Variants in NPNT observed in about 807,000 individuals in gnomAD.
NPNT encodes the protein preosteoblast EGF-like repeat protein with MAM domain.
In NPNT, 45 loss-of-function variants were observed where a neutral mutation model predicts 68.6. The ratio of observed to expected loss-of-function variants is 0.66; its 90% confidence interval spans 0.52 to 0.84. NPNT has a LOEUF of 0.84. Among genes scored for constraint, NPNT ranks in the 40% least tolerant of loss-of-function variants. NPNT has a pLI of 0.00. For missense variants in NPNT, 672 were observed against 714.8 expected, an observed-to-expected ratio of 0.94 and a Z score of 0.68; for synonymous variants, 233 against 253.3, an observed-to-expected ratio of 0.92 and a Z score of 0.76.
intron 8 of NPNT, among the ~76,000 whole-genome samples, chr4:105,950,578 C>T (rs528817026): frequency 2.0e-5 from 3 of 152,252 alleles, no homozygotes; most frequent in East Asian, 1.9e-4. Context: ...GCTGGGATTA[C>T]AGGCGTGCAC....
intron 1 of NPNT, 193 bp downstream of exon 1, chr4:105,895,916 C>A (rs1725791281): frequency 3.5e-6 from 2 of 579,458 alleles, no homozygotes; most frequent in Non-Finnish European, 6.1e-6. Flanking sequence ...GGAGAGGGCG[C>A]GCCCTTGCGA....
chr4:105,948,867 G>A (rs533373947), intron 8 of NPNT, among the ~76,000 whole-genome samples: 1 of 152,132 alleles, frequency 6.6e-6, no homozygotes, highest in African/African-American at 2.4e-5. Flanking sequence ...CCAAGTGCTG[G>A]GATTCTAGGC....
At chr4:105,940,018 C>T in intron 5 of NPNT, 57 bp from the exon 6 acceptor site, 3 of 1,483,508 alleles carry the variant, frequency 2.0e-6, no homozygotes, top group South Asian at 2.3e-5. Context: ...TTTTGAAACC[C>T]ACTCTGTCTT....
intron 8 of NPNT, among the ~76,000 whole-genome samples, chr4:105,957,215 C>G (rs1560539301): frequency 6.6e-6 from 1 of 152,118 alleles, no homozygotes; most frequent in African/African-American, 2.4e-5. Context: ...ATGATGTCTT[C>G]CTTCCTAACT....
chr4:105,954,502 A>G, intron 8 of NPNT, among the ~76,000 whole-genome samples: 1 of 152,176 alleles, frequency 6.6e-6, no homozygotes, highest in East Asian at 1.9e-4. Flanking sequence ...TTCAGCATGC[A>G]AACCTGATCT....
chr4:105,925,513 G>A (rs893777038), intron 2 of NPNT, among the ~76,000 whole-genome samples: 1 of 152,044 alleles, frequency 6.6e-6, no homozygotes, highest in African/African-American at 2.4e-5. Context: ...CATCAGTTTC[G>A]CAGGAGTATT....
chr4:105,920,265 T>A (rs1484413633), intron 2 of NPNT, among the ~76,000 whole-genome samples: 2 of 151,812 alleles, frequency 1.3e-5, no homozygotes, highest in Non-Finnish European at 2.9e-5. Context: ...ACAGAAAACT[T>A]ATTCTAGCCT....
At chr4:105,941,629 G>A (rs553972004) in intron 7 of NPNT, among the ~76,000 whole-genome samples, 1 of 152,216 alleles carries the variant, frequency 6.6e-6, no homozygotes, top group Admixed American at 6.5e-5. Flanking sequence ...GTATCATTCA[G>A]GCAGATTAAA....
intron 2 of NPNT, chr4:105,911,722 G>A (rs912831766): frequency 1.2e-5 from 2 of 172,486 alleles, no homozygotes; most frequent in African/African-American, 4.8e-5. Context: ...CATACAGTAT[G>A]TAAGAAACAG....
chr4:105,898,089 A>G (rs1726027269), intron 2 of NPNT, 88 bp downstream of exon 2: 5 of 871,996 alleles, frequency 5.7e-6, no homozygotes, highest in Non-Finnish European at 7.2e-6. Context: ...CAGAGGGTTC[A>G]TTACTGAGCA....
At chr4:105,911,999 T>C in intron 2 of NPNT, 1 of 551,666 alleles carries the variant, frequency 1.8e-6, no homozygotes, top group Non-Finnish European at 3.2e-6. Flanking sequence ...GAAATGTTTT[T>C]TTATAACAAA....
chr4:105,938,024 G>A (rs186682915), intron 4 of NPNT, among the ~76,000 whole-genome samples: 171 of 152,214 alleles, frequency 1.1e-3, no homozygotes, highest in African/African-American at 3.7e-3. Context: ...TAAGAATAGC[G>A]TTTAGCTTGA....
chr4:105,971,390 C>T lies in NPNT; in HGVS notation c.*2400C>T, dbSNP rs1291008597. 1 of 250,550 alleles carries T rather than the reference C, an allele frequency of 4.0e-6. No homozygotes were observed. The highest frequency in any genetic ancestry group is 8.4e-6 in the Non-Finnish European group (1 of 118,554). The allele number at this position is 250,550 out of a possible 1,614,324, so 15.5% of individuals were successfully genotyped here. On this transcript the variant is annotated 3_prime_UTR_variant, in exon 12 of 12. Transcript: ENST00000379987. ...TGGAGGGGGAAAATAAATCATTAAG[C>T]CTTTGAGTAACGGCAGAATATATGG...
intron 8 of NPNT, among the ~76,000 whole-genome samples, chr4:105,949,233 A>C (rs1391362130): frequency 6.6e-6 from 1 of 152,212 alleles, no homozygotes; most frequent in African/African-American, 2.4e-5. Context: ...ACAATATTGC[A>C]AATCTCTAAG....
chr4:105,921,417 C>T (rs1201115766), intron 2 of NPNT, among the ~76,000 whole-genome samples: 2 of 152,150 alleles, frequency 1.3e-5, no homozygotes, highest in African/African-American at 2.4e-5. Flanking sequence ...TGCCTCTCTC[C>T]TGCCTTATAT....
chr4:105,941,105 A>G (rs1270444231), intron 7 of NPNT, among the ~76,000 whole-genome samples: 2 of 152,100 alleles, frequency 1.3e-5, no homozygotes, highest in African/African-American at 2.4e-5. Flanking sequence ...TTCGGAGGCC[A>G]TAGCAGCAGG....
chr4:105,923,858 T>TA (rs1307901703), intron 2 of NPNT, among the ~76,000 whole-genome samples: 1 of 151,996 alleles, frequency 6.6e-6, no homozygotes, highest in East Asian at 1.9e-4. Context: ...CTCAAAAAAA[T>TA]AAAAATTTTA....
chr4:105,917,562 A>G (rs1281620051), intron 2 of NPNT, among the ~76,000 whole-genome samples: 3 of 152,218 alleles, frequency 2.0e-5, no homozygotes, highest in Non-Finnish European at 4.4e-5. Flanking sequence ...GGTATAAGAT[A>G]TATATATTTA....
chr4:105,964,650 A>G (rs2149410416), intron 10 of NPNT, among the ~76,000 whole-genome samples: 1 of 152,094 alleles, frequency 6.6e-6, no homozygotes, highest in Middle Eastern at 3.4e-3. Context: ...ATTTTCATAT[A>G]TTTGTCATTT....
Sources: gnomAD v4.1 joint callset for allele counts (sites outside exome capture counted in the v4.1 genomes callset) on GRCh38, gnomAD v4.1.1 for gene constraint, MANE v1.5 for transcripts, NCBI Gene and HGNC (gene_info 2026-07-23, HGNC 2026-07-21) for gene names.